The following NOD2 variants were observed in gnomAD, a reference collection of about 807,000 sequenced individuals.
NOD2 encodes nucleotide binding oligomerization domain containing 2.
In NOD2, 86 loss-of-function variants were observed where a neutral mutation model predicts 90.9. The ratio of observed to expected loss-of-function variants is 0.95; its 90% CI spans 0.79 to 1.13. The LOEUF (loss-of-function observed/expected upper bound fraction) is 1.13. Among genes scored for constraint, NOD2 ranks in the 50% most tolerant of loss-of-function variants. The pLI is 0.00. For missense variants in NOD2, 1,238 were observed against 1,283.8 expected (o/e 0.96, Z 0.55); for synonymous variants, 581 against 554.6 (o/e 1.05, Z -0.67).
At position 50,707,922 on chromosome 16, in the gene NOD2, T is replaced by C; in HGVS notation, c.527T>C (p.Val176Ala). Reference sequence around the variant, plus strand: ...TTGGCTGCCTTCCTTCTACAACATGTTCAGGAATTACCAGTCCCATTGGCC... The same window carrying C: ...TTGGCTGCCTTCCTTCTACAACATGCTCAGGAATTACCAGTCCCATTGGCC... ...NGLAAFLLQH[V>A]QELPVPLALP... The change falls in exon 3 of 12, where the codon GTT (valine) becomes GCT (alanine). Residue 176 changes from valine to alanine, a missense_variant. Physicochemically the swap from Val to Ala is moderately conservative, Grantham distance 64. This residue lies in a region of NOD2 where 567 missense variants were observed against 577.3 expected (regional missense o/e 0.98). Transcript: ENST00000647318. The C allele has an allele frequency of 6.2e-7, 1 of 1,614,040 alleles. No individual in the cohort carries two copies. The highest frequency in any genetic ancestry group is 8.5e-7 in the Non-Finnish European group (1 of 1,179,910).
rs1567380372 is a variant in NOD2 at position 50,699,517 on chromosome 16, C to T, written c.22C>T (p.Gln8Ter). The change falls in exon 2 of 12, where the codon CAG becomes TAG. Residue 8 changes from glutamine (Q) to a stop codon, truncating the protein, a stop_gained. Coordinates refer to ENST00000647318, the MANE Select transcript of NOD2 (RefSeq NM_001370466.1). LOFTEE classifies it high-confidence loss of function. ...TGAAATGTGCTCGCAGGAGGCTTTT[C>T]AGGCACAGAGGAGCCAGCTGGTCGA... MCSQEAF[Q>*]AQRSQLVELL... is the part of the protein sequence containing the mutation. 2 of 1,613,606 alleles carry T rather than the reference C, an allele frequency of 1.2e-6. No individual in the cohort carries two copies. The highest frequency in any genetic ancestry group is 1.7e-5 in the Admixed American group (1 of 60,008).
intron 3 of NOD2, among the ~76,000 whole-genome samples, chr16:50,708,461 G>GAACGTA (rs1265486475): frequency 6.6e-6 from 1 of 152,208 alleles, no homozygotes; most frequent in Admixed American, 6.5e-5. Flanking sequence ...CAGGCATCCT[G>GAACGTA]CCAGGTGCTT....
intron 3 of NOD2, among the ~76,000 whole-genome samples, chr16:50,708,906 T>C (rs1240256658): frequency 6.6e-6 from 1 of 152,160 alleles, no homozygotes; most frequent in Non-Finnish European, 1.5e-5. Context: ...CGGCACGGAG[T>C]GCAGGCCCTG....
rs116283239 is a variant in NOD2 at position 50,707,550 on chromosome 16, G to A, written c.460-305G>A. On this transcript the variant is annotated intron_variant, in intron 2 of 11. Coordinates refer to ENST00000647318, the MANE Select transcript of NOD2 (RefSeq NM_001370466.1). ...TGATGAAATCACTTCTCTTCCAAAT[G>A]ATTTACAGCCTGCAGAATCATTTTC... Among the ~76,000 whole-genome samples the A allele has an allele frequency of 2.9e-3, 438 of 152,284 alleles. 5 individuals carry two copies. The highest frequency in any genetic ancestry group is 9.9e-3 in the African/African-American group (411 of 41,550).
In NOD2 at chr16:50,716,594, G is replaced by A. The variant is rs61755272; in HGVS notation, c.2389G>A (p.Asp797Asn). The change falls in exon 5 of 12, where the codon GAT (aspartate) becomes AAT (asparagine). Residue 797 changes from aspartate (D) to asparagine (N), a missense_variant. Coordinates refer to ENST00000647318, the MANE Select transcript of NOD2 (RefSeq NM_001370466.1). ...TTTATTTTGTCTCTTTAGTTTGCGC[G>A]ATAACAATATCTCAGACCGAGGCAT... ...LGVCKALYLRDNNISDRGICK... is the reference protein window; with the variant it reads ...LGVCKALYLRNNNISDRGICK... 381 of 1,613,916 alleles carry A rather than the reference G, an allele frequency of 2.4e-4. No homozygotes were observed. The highest frequency in any genetic ancestry group is 4.9e-4 in the South Asian group (45 of 91,040).
At chr16:50,726,903 G>A (rs1353256507) in intron 10 of NOD2, among the ~76,000 whole-genome samples, 1 of 152,186 alleles carries the variant, frequency 6.6e-6, no homozygotes, top group Non-Finnish European at 1.5e-5. Context: ...CACTTTGGGA[G>A]GCTGAGGCGG....
Position 50,723,348 on chromosome 16 carries a change from T to G in NOD2, c.2765T>G (p.Leu922Arg), listed in dbSNP as rs753454914. ...IGSVGAQALA[L>R]MLAKNVMLEE... is the part of the protein sequence containing the mutation. ...AGTGTGGGTGCCCAAGCCTTGGCAC[T>G]GATGCTGGCAAAGAACGTCATGCTA... Residue 922 changes from leucine to arginine, a missense_variant, in exon 9 of 12, where the codon CTG (leucine) becomes CGG (arginine). Around this residue, in one of 3 missense-constraint regions of NOD2, gnomAD observed 667 missense variants for 688.7 expected, o/e 0.97. Coordinates refer to ENST00000647318, the MANE Select transcript of NOD2 (RefSeq NM_001370466.1). The G allele has an allele frequency of 1.2e-6, 2 of 1,613,970 alleles. No homozygotes were observed. The highest frequency in any genetic ancestry group is 1.7e-6 in the Non-Finnish European group (2 of 1,179,936).
At chr16:50,700,571 C>A (rs1963896314) in intron 2 of NOD2, among the ~76,000 whole-genome samples, 1 of 152,196 alleles carries the variant, frequency 6.6e-6, no homozygotes, top group Admixed American at 6.5e-5. Flanking sequence ...TTTCAGTTTC[C>A]TCATCTACAA....
chr16:50,724,707 T>C (rs192210471), intron 9 of NOD2, among the ~76,000 whole-genome samples: 56 of 152,380 alleles, frequency 3.7e-4, no homozygotes, highest in Admixed American at 3.1e-3. Flanking sequence ...GTTTGCTACA[T>C]AGGAACTCAA....
At chr16:50,715,762 C>T (rs1398907641) in intron 4 of NOD2, 4 of 152,214 alleles carry the variant, frequency 2.6e-5, no homozygotes, top group East Asian at 3.8e-4. Context: ...ACTAGTAAGT[C>T]GCTGATCAGG....
At chr16:50,705,780 C>T (rs959105971) in intron 2 of NOD2, among the ~76,000 whole-genome samples, 7 of 152,126 alleles carry the variant, frequency 4.6e-5, no homozygotes, top group Non-Finnish European at 2.9e-5. Flanking sequence ...CTCCTCAGTC[C>T]GTTACTATTC....
intron 1 of NOD2, among the ~76,000 whole-genome samples, chr16:50,694,476 C>T (rs1051764001): frequency 3.3e-5 from 5 of 152,158 alleles, no homozygotes; most frequent in African/African-American, 7.2e-5. Flanking sequence ...TTGTTGGCTG[C>T]TCAAGGCCCC....
chr16:50,719,149 G>A (rs534604741), intron 6 of NOD2, among the ~76,000 whole-genome samples: 1 of 152,274 alleles, frequency 6.6e-6, no homozygotes, highest in East Asian at 1.9e-4. Flanking sequence ...CAGCAGCTGG[G>A]GCCCTTGGCT....
intron 6 of NOD2, 38 bp from the exon 7 acceptor site, chr16:50,719,887 C>T (rs529939096): frequency 8.7e-5 from 137 of 1,580,466 alleles, no homozygotes; most frequent in South Asian, 4.8e-4. Flanking sequence ...TTCTGCCTGC[C>T]GCTGTGTTCT....
chr16:50,710,803 G>A lies in NOD2; in HGVS notation c.811G>A (p.Val271Met). 1 of 1,614,174 alleles carries A rather than the reference G, an allele frequency of 6.2e-7. No homozygotes were observed. Among genetic ancestry groups the A allele is most frequent in the Non-Finnish European group, 8.5e-7 (1 of 1,180,038 alleles). The change falls in exon 4 of 12, where the codon GTG becomes ATG. Residue 271 changes from valine to methionine, a missense_variant. Transcript: ENST00000647318. ...LNDDADTVLV[V>M]GEAGSGKSTL... ...TGACGATGCGGACACTGTGCTGGTG[G>A]TGGGTGAGGCGGGCAGTGGCAAGAG... is the stretch of plus-strand genomic sequence containing the variant.
chr16:50,694,107 C>T (rs74477363), intron 1 of NOD2, among the ~76,000 whole-genome samples: 2,644 of 152,282 alleles, frequency 0.017, 48 homozygotes, highest in Non-Finnish European at 0.025. Flanking sequence ...CATCCCCCAG[C>T]TGTTTGCTCT....
chr16:50,713,782 T>C (rs1964653011), intron 4 of NOD2, among the ~76,000 whole-genome samples: 1 of 152,036 alleles, frequency 6.6e-6, no homozygotes, highest in African/African-American at 2.4e-5. Flanking sequence ...TTCTGCAAAG[T>C]GGAAGAATAC....
intron 6 of NOD2, among the ~76,000 whole-genome samples, chr16:50,718,285 T>C (rs1964887675): frequency 6.6e-6 from 1 of 152,134 alleles, no homozygotes; most frequent in African/African-American, 2.4e-5. Flanking sequence ...AGATCCCTAA[T>C]CTTTGAGCAA....
intron 7 of NOD2, among the ~76,000 whole-genome samples, chr16:50,721,739 C>T (rs58046161): frequency 6.6e-6 from 1 of 152,304 alleles, no homozygotes; most frequent in African/African-American, 2.4e-5. Context: ...GTGATCCTCC[C>T]TCCTTTGCCT....
Sources: allele counts gnomAD v4.1 joint callset (sites outside exome capture counted in the v4.1 genomes callset), GRCh38; gene constraint gnomAD v4.1.1; regional missense constraint gnomAD v4.1.1; transcripts MANE v1.5; gene names NCBI Gene and HGNC (gene_info 2026-07-23, HGNC 2026-07-21).